Variants in ENO4 observed in about 807,000 individuals in gnomAD.
ENO4 encodes 2-phospho-D-glycerate hydro-lyase.
ENO4 carries 53 observed loss-of-function variants against 63.2 expected under a neutral mutation model. That is an observed-to-expected ratio of 0.84 (90% CI 0.67 to 1.05). ENO4 has a LOEUF of 1.05. Among genes scored for constraint, ENO4 ranks in the 50% least tolerant of loss-of-function variants. ENO4 has a pLI of 0.00. For synonymous variants in ENO4, 266 were observed against 283.8 expected (o/e 0.94, Z 0.63); for missense variants, 719 against 772.0 (o/e 0.93, Z 0.81).
chr10:116,867,683 G>GT (rs1198115597), intron 7 of ENO4, among the ~76,000 whole-genome samples: 2 of 152,106 alleles, frequency 1.3e-5, no homozygotes, highest in African/African-American at 2.4e-5. Flanking sequence ...GTCACAGGTT[G>GT]TTTTTTTCCC....
At chr10:116,881,369 C>A in intron 13 of ENO4, 146 bp from the exon 14 acceptor site, 1 of 593,344 alleles carries the variant, frequency 1.7e-6, no homozygotes, top group South Asian at 2.7e-5. Context: ...CAAAGATACG[C>A]CCAGTTGTAA....
At chr10:116,850,305 C>T (rs1478428897) in intron 1 of ENO4, 1 of 161,448 alleles carries the variant, frequency 6.2e-6, no homozygotes, top group Non-Finnish European at 1.4e-5. Flanking sequence ...ACCAACCGTC[C>T]TTCTGGGTTC....
At position 116,903,606 on chromosome 10, in the gene ENO4, C is replaced by G. The variant is rs531359389; in HGVS notation, c.1195-7893C>G. On this transcript the variant is annotated intron_variant, in intron 10 of 10. Coordinates refer to the ENO4 transcript ENST00000369207. The stretch of plus-strand genomic sequence containing the variant: ...AGCTGTGGCAGTTACGACAGAAGGG[C>G]AGAACAGAAAGATCAATTAATTTTA... Among the ~76,000 whole-genome samples, 23 of 152,144 alleles carry G rather than the reference C, an allele frequency of 1.5e-4. No individual in the cohort carries two copies. The East Asian group carries it at 4.2e-3, about 28-fold the overall frequency.
chr10:116,876,144 T>C lies in ENO4; in HGVS notation c.1421T>C (p.Ile474Thr), dbSNP rs1168210434. 6.4e-7 allele frequency: 1 copy of C among 1,550,686 alleles called. No homozygotes were observed. The highest frequency in any genetic ancestry group is 8.7e-7 in the Non-Finnish European group (1 of 1,147,022). The change falls in exon 11 of 14, where the codon ATT (isoleucine) becomes ACT (threonine). Residue 474 changes from isoleucine (I) to threonine (T), a missense_variant. By Grantham distance (89) the Ile-to-Thr change is moderately conservative. Around this residue, in one of 3 missense-constraint regions of ENO4, gnomAD observed 7 missense variants for 25.1 expected, o/e 0.28. Transcript: ENST00000341276. ...YIIAGTASKS[I>T]SKLLEQGNIS... ...ATTGCAGGAACTGCTTCCAAAAGCA[T>C]TTCTAAACTTCTAGAGCAAGGAAAC...
chr10:116,906,893 A>T, intron 10 of ENO4: 2 of 641,768 alleles, frequency 3.1e-6, no homozygotes, highest in Non-Finnish European at 4.9e-6. Context: ...ATATTTTTTA[A>T]ATGTGCACAT....
intron 10 of ENO4, among the ~76,000 whole-genome samples, chr10:116,904,233 T>C (rs1375019447): frequency 2.6e-5 from 4 of 152,336 alleles, no homozygotes; most frequent in Non-Finnish European, 4.4e-5. Flanking sequence ...CTCTGTCACC[T>C]GACTCCCAAC....
At chr10:116,873,381 C>T (rs1471857801) in intron 9 of ENO4, among the ~76,000 whole-genome samples, 1 of 152,138 alleles carries the variant, frequency 6.6e-6, no homozygotes, top group Non-Finnish European at 1.5e-5. Context: ...CATCCCTGAA[C>T]ATAGACTTAA....
intron 7 of ENO4, among the ~76,000 whole-genome samples, chr10:116,863,376 A>ACACACACC: frequency 6.6e-6 from 1 of 151,742 alleles, no homozygotes; most frequent in East Asian, 1.9e-4. Context: ...ACACACACAC[A>ACACACACC]CACACACACA....
intron 11 of ENO4, among the ~76,000 whole-genome samples, chr10:116,876,861 G>T (rs1168477504): frequency 6.6e-6 from 1 of 152,152 alleles, no homozygotes. Context: ...TGAGGCAGGA[G>T]AATGGGGTGA....
chr10:116,869,070 G>T (rs1846620893), intron 8 of ENO4, among the ~76,000 whole-genome samples: 1 of 152,178 alleles, frequency 6.6e-6, no homozygotes, highest in Non-Finnish European at 1.5e-5. Flanking sequence ...TATTAACAAA[G>T]AGAAAAACAA....
At chr10:116,884,316 T>C (rs763639612), downstream of ENO4, 39 of 451,262 alleles carry the variant, frequency 8.6e-5, no homozygotes, top group Middle Eastern at 3.3e-4. Flanking sequence ...AGGGAAAAAC[T>C]GTAGGCAGAA....
At chr10:116,900,575 C>T (rs1847695145) in intron 10 of ENO4, 1 of 1,534,000 alleles carries the variant, frequency 6.5e-7, no homozygotes. Context: ...AATCTATACA[C>T]ACACACTGAA....
chr10:116,865,938 T>C (rs1846538125), intron 7 of ENO4, among the ~76,000 whole-genome samples: 1 of 152,198 alleles, frequency 6.6e-6, no homozygotes, highest in African/African-American at 2.4e-5. Context: ...AGTGCTTTAA[T>C]ACTTTAACTC....
In ENO4 at chr10:116,893,228, C is replaced by T. The variant is rs146233177; in HGVS notation, c.1194+13242C>T. ...AGTCCACAGGATAACTCCTTGGCAGCGGGGGAAGGAAAAAAAATGAAGTGA... is the reference window on the plus strand; with the variant it reads ...AGTCCACAGGATAACTCCTTGGCAGTGGGGGAAGGAAAAAAAATGAAGTGA... On this transcript the variant is annotated intron_variant, in intron 10 of 10. Coordinates refer to the ENO4 transcript ENST00000369207. Among the ~76,000 whole-genome samples, 565 of 151,970 alleles carry T rather than the reference C, an allele frequency of 3.7e-3. 5 individuals carry two copies. The highest frequency in any genetic ancestry group is 0.013 in the African/African-American group (532 of 41,454).
At chr10:116,905,188 G>A (rs533306978) in intron 10 of ENO4, among the ~76,000 whole-genome samples, 1,637 of 136,854 alleles carry the variant, frequency 0.012, 22 homozygotes, top group Middle Eastern at 0.034. Flanking sequence ...CAGCCTGGGC[G>A]ACAGAGCGAG....
chr10:116,858,230 T>G (rs778793649), intron 3 of ENO4, among the ~76,000 whole-genome samples: 1 of 152,200 alleles, frequency 6.6e-6, no homozygotes, highest in Non-Finnish European at 1.5e-5. Context: ...TTTGCTGGAT[T>G]GTATCCTTTA....
chr10:116,863,520 A>G (rs919385969), intron 7 of ENO4, among the ~76,000 whole-genome samples: 21 of 152,184 alleles, frequency 1.4e-4, no homozygotes, highest in Non-Finnish European at 2.6e-4. Context: ...ACTTGATTCA[A>G]ATTTCACTGG....
rs559743450 is a variant in ENO4 at position 116,866,574 on chromosome 10, G to A, written c.991-2076G>A. Among the ~76,000 whole-genome samples the A allele has an allele frequency of 3.9e-5, 6 of 152,120 alleles. No homozygotes were observed. The East Asian group carries it at 7.8e-4, about 20-fold the overall frequency. ...TGTGGTAGCACATGCCTATAATCCC[G>A]GCACTTTTGGGAGGCTGAGGTGGAG... On this transcript the variant is annotated intron_variant, in intron 7 of 13. Transcript: ENST00000341276.
intron 9 of ENO4, among the ~76,000 whole-genome samples, chr10:116,872,373 C>A (rs1846720812): frequency 6.6e-6 from 1 of 152,130 alleles, no homozygotes; most frequent in South Asian, 2.1e-4. Context: ...TGAATTGTAG[C>A]TCCCATGATT....
Sources: gnomAD v4.1 joint callset for allele counts (sites outside exome capture counted in the v4.1 genomes callset) on GRCh38, gnomAD v4.1.1 for gene constraint, gnomAD v4.1.1 regional missense constraint, MANE v1.5 for transcripts, NCBI Gene and HGNC (gene_info 2026-07-23, HGNC 2026-07-21) for gene names.